CHD9: variants seen among roughly 807,000 people sequenced by gnomAD.
CHD9 encodes the protein ATP-dependent chromatin remodeler CHD9.
Under a neutral mutation model 316.1 loss-of-function variants are expected in CHD9, and 77 were observed. The observed-to-expected ratio is 0.24, with a 90% confidence interval of 0.20 to 0.29. CHD9 has a LOEUF of 0.29. CHD9 is among the 10% of genes least tolerant of loss of function. The probability of loss-of-function intolerance (pLI) is 1.00; values close to 1 mark genes in which losing one functional copy is unlikely to be tolerated. For synonymous variants in CHD9, 1,129 were observed against 1,158.3 expected (o/e 0.97, Z 0.51); for missense variants, 2,763 against 3,438.1 (o/e 0.80, Z 4.91).
rs146378729 is a variant in CHD9 at position 53,083,437 on chromosome 16, G to A, written c.-165+28360G>A. Among the ~76,000 whole-genome samples the A allele has an allele frequency of 3.5e-3, 528 of 152,306 alleles. 1 individual carries two copies. Among genetic ancestry groups the A allele is most frequent in the Admixed American group, 5.4e-3 (83 of 15,304 alleles). ...GCAAAAAGATAATGCCAGAGAAAGA[G>A]ATTATATTGCCACACCTTTGCTTAA... is the stretch of plus-strand genomic sequence containing the variant. On this transcript the variant is annotated intron_variant, in intron 1 of 38. Transcript: ENST00000447540.
At chr16:53,305,818 C>A (rs2055914908) in intron 31 of CHD9, among the ~76,000 whole-genome samples, 1 of 152,116 alleles carries the variant, frequency 6.6e-6, no homozygotes, top group Non-Finnish European at 1.5e-5. Flanking sequence ...AAGAAACATG[C>A]CCAATTCTAA....
chr16:53,290,632 T>A (rs956943307), intron 27 of CHD9, among the ~76,000 whole-genome samples: 2 of 150,778 alleles, frequency 1.3e-5, no homozygotes, highest in Admixed American at 6.6e-5. Flanking sequence ...CTACAACAAA[T>A]AAAAAAAAGA....
chr16:53,103,462 G>T (rs937376615), intron 1 of CHD9, among the ~76,000 whole-genome samples: 3 of 152,202 alleles, frequency 2.0e-5, no homozygotes, highest in Non-Finnish European at 4.4e-5. Context: ...ACCCAAGGCA[G>T]GTTAAAAGGG....
intron 1 of CHD9, among the ~76,000 whole-genome samples, chr16:53,066,715 C>T (rs1021835012): frequency 2.6e-5 from 4 of 152,050 alleles, no homozygotes; most frequent in Admixed American, 6.6e-5. Flanking sequence ...TTGCTGTGTC[C>T]GCTCCTTCTC....
In CHD9 at chr16:53,089,084, C is replaced by G. The variant is rs576403627; in HGVS notation, c.-165+34007C>G. Among the ~76,000 whole-genome samples, 19 of 151,932 alleles carry G rather than the reference C, an allele frequency of 1.3e-4. No individual in the cohort carries two copies. In the South Asian group the frequency reaches 3.3e-3, roughly 27 times the overall value. On this transcript the variant is annotated intron_variant, in intron 1 of 38. Coordinates refer to ENST00000447540, the MANE Select transcript of CHD9 (RefSeq NM_001308319.2). Reference sequence around the variant, plus strand: ...CCGAGATCGTGCCACTGCACTCCAACCTGGGTGACAGAGTGAGACTCTGTC... The same window carrying G: ...CCGAGATCGTGCCACTGCACTCCAAGCTGGGTGACAGAGTGAGACTCTGTC...
At position 53,119,383 on chromosome 16, in the gene CHD9, AC is replaced by A. The variant is rs1315591676; in HGVS notation, c.-164-36542del. 3.9e-5 allele frequency among the ~76,000 whole-genome samples: 6 copies of A among 151,904 alleles called. No homozygotes were observed. The East Asian group carries it at 5.8e-4, about 15-fold the overall frequency. Reference sequence around the variant, plus strand: ...AAACTCACTGTTATTTAAAAAAAAAACAAAACAAGATTGTGATAATTGTTAT... The same window carrying A: ...AAACTCACTGTTATTTAAAAAAAAAAAAAACAAGATTGTGATAATTGTTAT... On this transcript the variant is annotated intron_variant, in intron 1 of 38. Transcript: ENST00000447540.
At chr16:53,108,343 A>G (rs961817467) in intron 1 of CHD9, among the ~76,000 whole-genome samples, 2 of 81,122 alleles carry the variant, frequency 2.5e-5, no homozygotes, top group Non-Finnish European at 7.6e-5. Context: ...CTCTACAAAA[A>G]ATACAAAAAA....
At chr16:53,182,923 G>A (rs1466551464) in intron 2 of CHD9, among the ~76,000 whole-genome samples, 2 of 152,142 alleles carry the variant, frequency 1.3e-5, no homozygotes, top group East Asian at 1.9e-4. Context: ...ATGTATGAAT[G>A]TGTGAATATA....
intron 24 of CHD9, among the ~76,000 whole-genome samples, chr16:53,282,079 A>T (rs929805385): frequency 6.6e-6 from 1 of 151,924 alleles, no homozygotes; most frequent in Non-Finnish European, 1.5e-5. Context: ...ACTGGATCTG[A>T]TCCACTTGTA....
intron 1 of CHD9, among the ~76,000 whole-genome samples, chr16:53,115,733 A>G (rs1217320918): frequency 3.3e-5 from 5 of 152,232 alleles, no homozygotes; most frequent in Non-Finnish European, 7.3e-5. Flanking sequence ...ACAAGACAGA[A>G]CCTGCTTATG....
chr16:53,321,110 T>G, intron 37 of CHD9: 1 of 630,596 alleles, frequency 1.6e-6, no homozygotes, highest in Non-Finnish European at 2.5e-6. Context: ...TTGTCTCATT[T>G]TATCTTTATA....
chr16:53,212,263 G>A (rs1455696887), intron 3 of CHD9, among the ~76,000 whole-genome samples: 1 of 152,024 alleles, frequency 6.6e-6, no homozygotes, highest in Non-Finnish European at 1.5e-5. Flanking sequence ...AAATTAGCCA[G>A]GCGTGGTGGT....
At chr16:53,098,657 C>T (rs576643057) in intron 1 of CHD9, among the ~76,000 whole-genome samples, 2 of 152,162 alleles carry the variant, frequency 1.3e-5, no homozygotes, top group African/African-American at 2.4e-5. Flanking sequence ...ACTCAATCAA[C>T]GCGAGGCAGG....
chr16:53,092,991 C>T (rs1173155632), intron 1 of CHD9, among the ~76,000 whole-genome samples: 1 of 152,206 alleles, frequency 6.6e-6, no homozygotes, highest in East Asian at 1.9e-4. Context: ...GTCGCCAGGG[C>T]TGGTCTCAAA....
At chr16:53,187,632 CTT>C (rs1567445014) in intron 2 of CHD9, among the ~76,000 whole-genome samples, 1 of 152,078 alleles carries the variant, frequency 6.6e-6, no homozygotes, top group Non-Finnish European at 1.5e-5. Context: ...AGATTTAAGA[CTT>C]TGTAATGTTC....
chr16:53,208,404 A>G (rs2046052786), intron 2 of CHD9: 1 of 1,266,870 alleles, frequency 7.9e-7, no homozygotes, highest in Non-Finnish European at 1.0e-6. Flanking sequence ...TAAAAGGCTA[A>G]TGGGATTGAA....
chr16:53,260,916 C>T (rs1375475841), intron 19 of CHD9, among the ~76,000 whole-genome samples: 3 of 152,094 alleles, frequency 2.0e-5, no homozygotes, highest in Non-Finnish European at 2.9e-5. Flanking sequence ...ATTTCAAGGT[C>T]CTTAACTTAA....
chr16:53,120,459 C>A (rs1352021681), intron 1 of CHD9, among the ~76,000 whole-genome samples: 1 of 151,418 alleles, frequency 6.6e-6, no homozygotes, highest in Non-Finnish European at 1.5e-5. Context: ...ACTAAAAATA[C>A]AAAATTAGCC....
chr16:53,195,652 G>C (rs1318828832), intron 2 of CHD9, among the ~76,000 whole-genome samples: 2 of 152,024 alleles, frequency 1.3e-5, no homozygotes, highest in African/African-American at 2.4e-5. Context: ...CTCAGAGAAG[G>C]CCTAAGCGCT....
Sources: allele counts gnomAD v4.1 joint callset (sites outside exome capture counted in the v4.1 genomes callset), GRCh38; gene constraint gnomAD v4.1.1; transcripts MANE v1.5; gene names NCBI Gene and HGNC (gene_info 2026-07-23, HGNC 2026-07-21).